The following BIVM variants were observed in gnomAD, a reference collection of about 807,000 sequenced individuals.
BIVM encodes the protein basic, immunoglobulin-like variable motif containing.
BIVM carries 31 observed loss-of-function variants against 61.4 expected under a neutral mutation model. That is an observed-to-expected ratio of 0.51 (90% CI 0.38 to 0.68). BIVM has a LOEUF of 0.68. BIVM is among the 30% of genes least tolerant of loss of function. The pLI is 0.00. For synonymous variants in BIVM, 189 were observed against 210.7 expected (o/e 0.90, Z 0.89); for missense variants, 526 against 596.0 (o/e 0.88, Z 1.22).
chr13:102,804,593 G>A (rs1878947124), intron 1 of BIVM, among the ~76,000 whole-genome samples: 1 of 152,260 alleles, frequency 6.6e-6, no homozygotes, highest in East Asian at 1.9e-4. Flanking sequence ...TTACAGGTGT[G>A]AGCCACTGCA....
At chr13:102,818,523 G>A (rs78567164) in intron 4 of BIVM, among the ~76,000 whole-genome samples, 2,514 of 152,228 alleles carry the variant, frequency 0.017, 76 homozygotes, top group African/African-American at 0.057. Context: ...GGTTTTGCTC[G>A]TTTGTGCTTC....
At chr13:102,834,582 T>C in intron 9 of BIVM, 30 bp downstream of exon 9, 1 of 1,556,876 alleles carries the variant, frequency 6.4e-7, no homozygotes, top group Non-Finnish European at 8.6e-7. Context: ...TTTTCTTTAA[T>C]TGAGGTAACA....
At chr13:102,806,390 C>T (rs1361422067) in intron 2 of BIVM, among the ~76,000 whole-genome samples, 2 of 152,062 alleles carry the variant, frequency 1.3e-5, no homozygotes, top group African/African-American at 4.8e-5. Flanking sequence ...GCTGGGACTA[C>T]AGGCATGTGC....
At chr13:102,831,120 C>T (rs1881036754) in intron 7 of BIVM, among the ~76,000 whole-genome samples, 1 of 151,866 alleles carries the variant, frequency 6.6e-6, no homozygotes, top group African/African-American at 2.4e-5. Context: ...TTTTAAATTC[C>T]AACTTTTTGT....
intron 2 of BIVM, among the ~76,000 whole-genome samples, chr13:102,806,467 C>T (rs993114684): frequency 5.3e-5 from 8 of 152,074 alleles, no homozygotes; most frequent in African/African-American, 1.9e-4. Context: ...CCAGGCTGGT[C>T]TCGAACTCCT....
chr13:102,813,016 T>C (rs915347440), intron 3 of BIVM, among the ~76,000 whole-genome samples: 5 of 152,238 alleles, frequency 3.3e-5, no homozygotes, highest in African/African-American at 9.7e-5. Context: ...AGTTGTACCT[T>C]GCTATGTGCT....
At chr13:102,830,171 C>T (rs1333565606) in intron 7 of BIVM, among the ~76,000 whole-genome samples, 1 of 152,138 alleles carries the variant, frequency 6.6e-6, no homozygotes, top group East Asian at 1.9e-4. Flanking sequence ...TTCTATGCCC[C>T]TTTTGTGGCA....
Position 102,821,808 on chromosome 13 carries a change from T to C in BIVM, c.767T>C (p.Ile256Thr), listed in dbSNP as rs1425462759. 2.5e-6 allele frequency: 4 copies of C among 1,614,088 alleles called. No homozygotes were observed. Among genetic ancestry groups the C allele is most frequent in the Non-Finnish European group, 2.5e-6 (3 of 1,179,988 alleles). ...GGCTTTCAACCTCCATTTGAAGATA[T>C]TAGGTTTGGTCCTTTCACGGGGAAT... is the stretch of plus-strand genomic sequence containing the variant. The part of the protein sequence containing the change: ...ILGFQPPFED[I>T]RFGPFTGNTT... The change falls in exon 6 of 11, where the codon ATT becomes ACT. Residue 256 changes from isoleucine to threonine, a missense_variant. Around this residue, in one of 3 missense-constraint regions of BIVM, gnomAD observed 312 missense variants for 343.8 expected, o/e 0.91. Coordinates refer to ENST00000257336, the MANE Select transcript of BIVM (RefSeq NM_017693.4).
At chr13:102,839,225 T>C (rs1360619343) in intron 10 of BIVM, among the ~76,000 whole-genome samples, 1 of 152,180 alleles carries the variant, frequency 6.6e-6, no homozygotes, top group Non-Finnish European at 1.5e-5. Context: ...TGATATCTTA[T>C]TGATGCAATC....
In BIVM at chr13:102,839,761, A is replaced by G; in HGVS notation, c.1408A>G (p.Ser470Gly). 6.2e-7 allele frequency: 1 copy of G among 1,614,206 alleles called. No individual in the cohort carries two copies. Among genetic ancestry groups the G allele is most frequent in the Non-Finnish European group, 8.5e-7 (1 of 1,180,042 alleles). The part of the protein sequence containing the change: ...KQHGRLGRSF[S>G]ASFHQDSAWK... Reference sequence around the variant, plus strand: ...GCATGGGCGTCTGGGCCGGTCTTTCAGTGCTAGTTTCCATCAGGACTCGGC... The same window carrying G: ...GCATGGGCGTCTGGGCCGGTCTTTCGGTGCTAGTTTCCATCAGGACTCGGC... The change falls in exon 11 of 11, where the codon AGT becomes GGT. Residue 470 changes from serine (S) to glycine (G), a missense_variant. Coordinates refer to ENST00000257336, the MANE Select transcript of BIVM (RefSeq NM_017693.4).
chr13:102,820,449 GC>G, intron 4 of BIVM: 1 of 151,594 alleles, frequency 6.6e-6, no homozygotes, highest in Non-Finnish European at 1.5e-5. Context: ...GTTCACATTT[GC>G]CCCAGTTTCT....
chr13:102,805,528 G>A (rs766398302), intron 2 of BIVM, 138 bp downstream of exon 2: 7 of 152,102 alleles, frequency 4.6e-5, no homozygotes, highest in Non-Finnish European at 8.8e-5. Context: ...CTTTATGGAG[G>A]TATAATTCAC....
chr13:102,815,695 A>G (rs1879821999), intron 3 of BIVM, among the ~76,000 whole-genome samples: 1 of 152,120 alleles, frequency 6.6e-6, no homozygotes, highest in Admixed American at 6.6e-5. Context: ...TCTAGCTCCC[A>G]ATTCTCCCTT....
rs1047293332 is a variant in BIVM, at chr13:102,841,172, A to G, written c.*1307A>G. On this transcript the variant is annotated 3_prime_UTR_variant, in exon 11 of 11. Transcript: ENST00000257336. ...TCTGCTGCCAACCTGTGACTCACAA[A>G]TGACTAGGATCTCTTGTTCTTTAAT... 2 of 152,640 alleles carry G rather than the reference A, an allele frequency of 1.3e-5. No homozygotes were observed. The highest frequency in any genetic ancestry group is 4.8e-5 in the African/African-American group (2 of 41,448). The allele number at this position is 152,640 out of a possible 1,614,324, so 9.5% of individuals were successfully genotyped here. A position where few individuals can be genotyped will look rare whatever the true frequency, so the allele number is the denominator to read the frequency against.
intron 8 of BIVM, among the ~76,000 whole-genome samples, chr13:102,832,271 G>A (rs1230563512): frequency 6.6e-6 from 1 of 152,140 alleles, no homozygotes; most frequent in Non-Finnish European, 1.5e-5. Context: ...GGTCACTGCT[G>A]CCTCAAACTC....
Position 102,807,122 on chromosome 13 carries a change from A to T in BIVM, c.-122-24A>T, listed in dbSNP as rs1879159165. 1 of 790,628 alleles carries T rather than the reference A, an allele frequency of 1.3e-6. No individual in the cohort carries two copies. Among genetic ancestry groups the T allele is most frequent in the Admixed American group, 3.0e-5 (1 of 33,278 alleles). 49.0% of individuals were successfully genotyped at this position (790,628 alleles called of 1,614,324 possible). On this transcript the variant is annotated intron_variant, in intron 2 of 10. Transcript: ENST00000257336. This position sits in a 1 kb window ranked among gnomAD's most constrained non-coding sequence, Gnocchi z 4.0. ...TCTTTGTGTATCTGGTGGATTGTTG[A>T]TCATTCTTTTTCCTTCCTCTTAGGA...
chr13:102,831,708 A>G lies in BIVM; in HGVS notation c.1034+11A>G. The G allele has an allele frequency of 6.2e-7, 1 of 1,613,946 alleles. No homozygotes were observed. Among genetic ancestry groups the G allele is most frequent in the Non-Finnish European group, 8.5e-7 (1 of 1,179,996 alleles). ...TAATAAAGCATTCAGGTAAGCATTGACGTGTTTTAGAAAGTGCATTTTAAG... is the reference window on the plus strand; with the variant it reads ...TAATAAAGCATTCAGGTAAGCATTGGCGTGTTTTAGAAAGTGCATTTTAAG... On this transcript the variant is annotated intron_variant, in intron 8 of 10. Coordinates refer to ENST00000257336, the MANE Select transcript of BIVM (RefSeq NM_017693.4).
intron 8 of BIVM, among the ~76,000 whole-genome samples, chr13:102,833,257 A>AGAAG (rs1326662417): frequency 6.6e-6 from 1 of 151,386 alleles, no homozygotes; most frequent in African/African-American, 2.4e-5. Context: ...AAAGAAAGAA[A>AGAAG]GAATTGGTGA....
At chr13:102,836,239 T>C (rs1202371969) in intron 9 of BIVM, among the ~76,000 whole-genome samples, 5 of 152,228 alleles carry the variant, frequency 3.3e-5, no homozygotes, top group Non-Finnish European at 1.5e-5. Flanking sequence ...AATTTTTGCC[T>C]ACCCCACGAC....
Sources: gnomAD v4.1 joint callset for allele counts (sites outside exome capture counted in the v4.1 genomes callset) on GRCh38, gnomAD v4.1.1 for gene constraint, gnomAD v4.1.1 regional missense constraint, Gnocchi (gnomAD v3.1) non-coding constraint, MANE v1.5 for transcripts, NCBI Gene and HGNC (gene_info 2026-07-23, HGNC 2026-07-21) for gene names.